BPIFB1: variants seen among roughly 807,000 people sequenced by gnomAD.
BPIFB1 encodes BPI fold-containing family B member 1.
A neutral mutation model predicts 55.1 loss-of-function variants in BPIFB1; 34 were observed. That is an observed-to-expected ratio of 0.62 (90% CI 0.47 to 0.82). The LOEUF (loss-of-function observed/expected upper bound fraction) is 0.82, where lower values mean the gene tolerates loss of function less well. Ranked by LOEUF, BPIFB1 falls within the 40% of genes least tolerant of loss-of-function variation. The probability of loss-of-function intolerance (pLI) is 0.00; values close to 1 mark genes in which losing one functional copy is unlikely to be tolerated. For missense variants in BPIFB1, 532 were observed against 593.1 expected (o/e 0.90, Z 1.07); for synonymous variants, 236 against 245.3 (o/e 0.96, Z 0.35).
chr20:33,290,889 C>G, intron 4 of BPIFB1, 68 bp from the exon 5 acceptor site: 1 of 1,554,358 alleles, frequency 6.4e-7, no homozygotes, highest in Non-Finnish European at 8.8e-7. Context: ...AAGACAGAGA[C>G]GGACGGCAGG....
At chr20:33,285,860 A>AG (rs1297920547) in intron 1 of BPIFB1, among the ~76,000 whole-genome samples, 173 bp from the exon 2 acceptor site, 1 of 152,180 alleles carries the variant, frequency 6.6e-6, no homozygotes, top group Non-Finnish European at 1.5e-5. Context: ...CATTTGTCTG[A>AG]TAAGAAAACT....
chr20:33,295,547 T>C (rs1203417352), intron 6 of BPIFB1, among the ~76,000 whole-genome samples: 2 of 151,458 alleles, frequency 1.3e-5, no homozygotes, highest in East Asian at 3.9e-4. Context: ...GAGAATTGCT[T>C]GAACCTGGGA....
intron 12 of BPIFB1, 46 bp from the exon 13 acceptor site, chr20:33,304,800 T>A (rs1182956064): frequency 6.2e-7 from 1 of 1,611,268 alleles, no homozygotes; most frequent in African/African-American, 1.3e-5. Flanking sequence ...GGATGGTGAA[T>A]GAGTGGGACT....
At position 33,295,662 on chromosome 20, in the gene BPIFB1, GAGAA is replaced by G. The variant is rs748483377; in HGVS notation, c.598-1847_598-1844del. ...AGAGAGAAGAAGAAAGAAAGAAAGA[GAGAA>G]AGAAAGAAAGAAAGAGAGAAAAAAA... On this transcript the variant is annotated intron_variant, in intron 6 of 15. Transcript: ENST00000253354. Among the ~76,000 whole-genome samples the G allele has an allele frequency of 2.0e-3, 273 of 136,172 alleles. 2 individuals are homozygous for G. Among genetic ancestry groups the G allele is most frequent in the East Asian group, 0.016 (79 of 5,046 alleles). The allele number at this position is 136,172 out of a possible 152,430, so 89.3% of individuals were successfully genotyped here. A position where few individuals can be genotyped will look rare whatever the true frequency, so the allele number is the denominator to read the frequency against.
At chr20:33,302,813 G>A (rs1487253886) in intron 10 of BPIFB1, 103 bp from the exon 11 acceptor site, 17 of 1,329,942 alleles carry the variant, frequency 1.3e-5, no homozygotes, top group Non-Finnish European at 1.1e-6. Context: ...ACACGTGAGG[G>A]AGCAGGGAGC....
intron 13 of BPIFB1, among the ~76,000 whole-genome samples, chr20:33,305,205 C>A (rs1315886830): frequency 1.3e-5 from 2 of 152,046 alleles, no homozygotes; most frequent in African/African-American, 4.8e-5. Flanking sequence ...CACGTAGACG[C>A]GCCTCAGTGC....
chr20:33,290,043 G>C, intron 4 of BPIFB1, 51 bp downstream of exon 4: 1 of 1,409,914 alleles, frequency 7.1e-7, no homozygotes. Flanking sequence ...TCATCTGCTC[G>C]TTCCCCCTCC....
Position 33,291,068 on chromosome 20 carries a change from C to T in BPIFB1, c.477C>T (p.Ala159=), listed in dbSNP as rs1600663185. The change falls in exon 5 of 16, where the codon GCC becomes GCT. Residue 159 remains alanine, a synonymous_variant. Coordinates refer to ENST00000253354, the MANE Select transcript of BPIFB1 (RefSeq NM_033197.3). ...CCCGCCTGGTCCTCAGTGACTGTGCCACCAGCCATGGGAGCCTGCGCATCC... is the reference window on the plus strand; with the variant it reads ...CCCGCCTGGTCCTCAGTGACTGTGCTACCAGCCATGGGAGCCTGCGCATCC... ...GPTRLVLSDC[A]TSHGSLRIQL... The T allele has an allele frequency of 3.7e-6, 6 of 1,613,188 alleles. No individual in the cohort carries two copies. Among genetic ancestry groups the T allele is most frequent in the Non-Finnish European group, 4.2e-6 (5 of 1,180,014 alleles).
Position 33,291,088 on chromosome 20 carries a change from G to T in BPIFB1, c.497G>T (p.Arg166Leu). 6.2e-7 allele frequency: 1 copy of T among 1,611,746 alleles called. No homozygotes were observed. Among genetic ancestry groups the T allele is most frequent in the South Asian group, 1.1e-5 (1 of 91,062 alleles). Residue 166 changes from arginine (R) to leucine (L), a missense_variant, in exon 5 of 16, where the codon CGC becomes CTC. Transcript: ENST00000253354. ...TGTGCCACCAGCCATGGGAGCCTGC[G>T]CATCCAACTGCTGCATAAGTGAGTG... is the stretch of plus-strand genomic sequence containing the variant. ...SDCATSHGSL[R>L]IQLLHKLSFL... is the part of the protein sequence containing the mutation.
At chr20:33,304,922 CAG>C (rs1284420906) in intron 13 of BPIFB1, 31 bp downstream of exon 13, 2 of 1,611,942 alleles carry the variant, frequency 1.2e-6, no homozygotes, top group East Asian at 2.2e-5. Flanking sequence ...CCTGAGGGCA[CAG>C]GGGGTGGCCT....
intron 10 of BPIFB1, 38 bp from the exon 11 acceptor site, chr20:33,302,878 C>T (rs1241612509): frequency 6.2e-7 from 1 of 1,608,122 alleles, no homozygotes; most frequent in Non-Finnish European, 8.5e-7. Flanking sequence ...CCATGGTGGG[C>T]ACTTGGGAGG....
At chr20:33,302,326 C>A (rs753499844) in intron 9 of BPIFB1, 33 bp from the exon 10 acceptor site, 2 of 1,612,366 alleles carry the variant, frequency 1.2e-6, no homozygotes, top group South Asian at 1.1e-5. Context: ...CTGTGCCCTC[C>A]AACTGACCTT....
At chr20:33,286,258 G>GAACTCTCTCCCTCCTTT in intron 2 of BPIFB1, 70 bp downstream of exon 2, 3 of 1,361,846 alleles carry the variant, frequency 2.2e-6, no homozygotes, top group Non-Finnish European at 1.0e-6. Flanking sequence ...CCCAAAGGAG[G>GAACTCTCTCCCTCCTTT]GAGAGAGTTC....
intron 5 of BPIFB1, 64 bp from the exon 6 acceptor site, chr20:33,291,843 A>G (rs1980482390): frequency 2.7e-6 from 4 of 1,458,306 alleles, no homozygotes; most frequent in Admixed American, 1.7e-5. Context: ...CCCTCTGTAA[A>G]ATAGAGGAAG....
chr20:33,301,521 G>A (rs1031942932), intron 9 of BPIFB1, 109 bp downstream of exon 9: 1 of 1,036,308 alleles, frequency 9.6e-7, no homozygotes, highest in Non-Finnish European at 1.4e-6. Context: ...TCAGTTTAAT[G>A]GAGATCTCAC....
At position 33,299,791 on chromosome 20, in the gene BPIFB1, A is replaced by G. The variant is rs1457978439; in HGVS notation, c.662-108A>G. ...ACATCATTATTACCTGCTCCTCCCTACCTGCCCCCCCATGCAACAGTACAG... is the reference window on the plus strand; with the variant it reads ...ACATCATTATTACCTGCTCCTCCCTGCCTGCCCCCCCATGCAACAGTACAG... On this transcript the variant is annotated intron_variant, in intron 7 of 15. Transcript: ENST00000253354. The G allele has an allele frequency of 2.5e-5, 20 of 812,018 alleles. No homozygotes were observed. In the Admixed American group the frequency reaches 3.2e-4, roughly 13 times the overall value. 50.3% of individuals were successfully genotyped at this position (812,018 alleles called of 1,614,324 possible).
At chr20:33,297,122 T>A (rs775729856) in intron 6 of BPIFB1, among the ~76,000 whole-genome samples, 3 of 152,226 alleles carry the variant, frequency 2.0e-5, no homozygotes, top group Non-Finnish European at 4.4e-5. Flanking sequence ...GGTTTCACCA[T>A]GCTGGCCAGG....
intron 6 of BPIFB1, among the ~76,000 whole-genome samples, chr20:33,297,318 G>A (rs1271280362): frequency 1.3e-5 from 2 of 152,250 alleles, no homozygotes; most frequent in South Asian, 4.1e-4. Flanking sequence ...TGGGCACAGG[G>A]AAAGGGACAA....
intron 6 of BPIFB1, among the ~76,000 whole-genome samples, chr20:33,292,284 GC>G (rs1159756867): frequency 1.3e-5 from 2 of 152,148 alleles, no homozygotes; most frequent in South Asian, 2.1e-4. Context: ...CTGATTTGTA[GC>G]TTTTGCGGAT....
Sources: allele counts gnomAD v4.1 joint callset (sites outside exome capture counted in the v4.1 genomes callset), GRCh38; gene constraint gnomAD v4.1.1; transcripts MANE v1.5; gene names NCBI Gene and HGNC (gene_info 2026-07-23, HGNC 2026-07-21).